The following PTPN3 variants were observed in gnomAD, a reference collection of about 807,000 sequenced individuals.
PTPN3 encodes protein tyrosine phosphatase non-receptor type 3, also known as tyrosine-protein phosphatase non-receptor type 3.
A neutral mutation model predicts 132.7 loss-of-function variants in PTPN3; 96 were observed. The ratio of observed to expected loss-of-function variants is 0.72; its 90% CI spans 0.61 to 0.86. The LOEUF is 0.86. PTPN3 is among the 40% of genes least tolerant of loss of function. The probability of loss-of-function intolerance (pLI) is 0.00; values close to 1 mark genes in which losing one functional copy is unlikely to be tolerated. For synonymous variants in PTPN3, 398 were observed against 429.0 expected (o/e 0.93, Z 0.89); for missense variants, 1,125 against 1,159.6 (o/e 0.97, Z 0.43).
intron 5 of PTPN3, chr9:109,450,174 T>A (rs1845157735): frequency 2.0e-6 from 2 of 985,022 alleles, no homozygotes; most frequent in Non-Finnish European, 1.2e-6. Flanking sequence ...TTGATTATAA[T>A]TAACTACCCA....
At chr9:109,380,169 A>G (rs1838924936) in intron 25 of PTPN3, among the ~76,000 whole-genome samples, 1 of 152,188 alleles carries the variant, frequency 6.6e-6, no homozygotes, top group African/African-American at 2.4e-5. Context: ...AGCAAAGTAT[A>G]CAGGGGGGAT....
At chr9:109,502,090 C>T (rs1210872087), upstream of PTPN3, among the ~76,000 whole-genome samples, 2 of 152,186 alleles carry the variant, frequency 1.3e-5, no homozygotes, top group African/African-American at 2.4e-5. Flanking sequence ...GAATATACAT[C>T]ACAGGTAATG....
At chr9:109,513,730 C>G in the PTPN3 span, among the ~76,000 whole-genome samples, 1 of 152,074 alleles carries the variant, frequency 6.6e-6, no homozygotes, top group African/African-American at 2.4e-5. Context: ...CTGATGTTGG[C>G]CTTTGTCTTT....
chr9:109,517,970 A>C, the PTPN3 span, among the ~76,000 whole-genome samples: 1 of 152,180 alleles, frequency 6.6e-6, no homozygotes, highest in African/African-American at 2.4e-5. Flanking sequence ...CCTGTCAAGC[A>C]GGTCCTCTCT....
At chr9:109,381,905 A>C in intron 24 of PTPN3, 118 bp from the exon 25 acceptor site, 6 of 1,226,986 alleles carry the variant, frequency 4.9e-6, no homozygotes, top group Non-Finnish European at 7.0e-6. Flanking sequence ...TCGAGAAGAC[A>C]AAACGCACAC....
At chr9:109,419,875 G>A (rs1378413851) in intron 14 of PTPN3, among the ~76,000 whole-genome samples, 1 of 152,132 alleles carries the variant, frequency 6.6e-6, no homozygotes, top group African/African-American at 2.4e-5. Flanking sequence ...GCGGGGTGGG[G>A]GAGGTAGGAC....
At chr9:109,451,429 AT>A in intron 5 of PTPN3, 1 of 930,302 alleles carries the variant, frequency 1.1e-6, no homozygotes, top group Non-Finnish European at 1.3e-6. Flanking sequence ...CAACCAGTGA[AT>A]TTTAGAAGAG....
chr9:109,438,128 C>T lies in PTPN3; in HGVS notation c.573G>A (p.Leu191=). ...GCCCCCCTCACCTGTGCTGCTCATG[C>T]AGAGATTCGACTTTTGTTAAAAAGT... ...NEDFLTKVES[L]HEQHSGLKQS... is the part of the protein sequence containing the mutation. Residue 191 remains leucine (L), a synonymous_variant, in exon 8 of 26, where the codon CTG becomes CTA. Transcript: ENST00000374541. 6.2e-7 allele frequency: 1 copy of T among 1,613,750 alleles called. No homozygotes were observed.
chr9:109,416,590 C>T (rs1189612793), intron 14 of PTPN3, among the ~76,000 whole-genome samples: 1 of 151,790 alleles, frequency 6.6e-6, no homozygotes, highest in African/African-American at 2.4e-5. Flanking sequence ...GGACAACACG[C>T]AGACAACATC....
rs1181308083 is a variant in PTPN3, at chr9:109,449,215, G to C, written c.369-360C>G. On this transcript the variant is annotated intron_variant, in intron 5 of 25. Transcript: ENST00000374541. ...GCCCTTGAGGACCAGAACCCACAGG[G>C]GCTCTGCACAAGCGGCGCCCACACA... is the stretch of plus-strand genomic sequence containing the variant. The C allele has an allele frequency of 2.8e-6, 3 of 1,058,800 alleles. No homozygotes were observed. The East Asian group carries it at 2.6e-4, about 92-fold the overall frequency. 65.6% of individuals were successfully genotyped at this position (1,058,800 alleles called of 1,614,324 possible).
rs749376867 is a variant in PTPN3 at position 109,389,320 on chromosome 9, C to T, written c.2166G>A (p.Pro722=). The change falls in exon 22 of 26, where the codon CCG becomes CCA. Residue 722 remains proline (P), a synonymous_variant. Coordinates refer to ENST00000374541, the MANE Select transcript of PTPN3 (RefSeq NM_002829.4). ...CCTGCCAAAACTGTGCACAGGTATGCGGCAGGGGCCCCTGAGTGGCGATGT... is the reference window on the plus strand; with the variant it reads ...CCTGCCAAAACTGTGCACAGGTATGTGGCAGGGGCCCCTGAGTGGCGATGT... ...NKYIATQGPL[P]HTCAQFWQVV... The T allele has an allele frequency of 9.9e-6, 16 of 1,614,082 alleles. No homozygotes were observed. The highest frequency in any genetic ancestry group is 3.3e-5 in the South Asian group (3 of 91,064).
At chr9:109,517,215 C>T in the PTPN3 span, among the ~76,000 whole-genome samples, 3 of 152,062 alleles carry the variant, frequency 2.0e-5, no homozygotes, top group Admixed American at 2.0e-4. Context: ...CCTAGGAAAT[C>T]CCAAGCAAGG....
At chr9:109,533,485 G>T in the PTPN3 span, 3 of 1,591,742 alleles carry the variant, frequency 1.9e-6, no homozygotes, top group Non-Finnish European at 2.6e-6. Context: ...GTAAGTTGCG[G>T]CGGTACCGAC....
In PTPN3 at chr9:109,376,363, C is replaced by T. The variant is rs536032432; in HGVS notation, c.*3193G>A. On this transcript the variant is annotated 3_prime_UTR_variant, in exon 26 of 26. Transcript: ENST00000374541. ...CCCTCAAATGCTCATTTCTGAGGTA[C>T]CCCCCCCAGAAAAAGGTCAGGTAGC... The T allele has an allele frequency of 6.6e-6, 1 of 151,366 alleles. No homozygotes were observed. Among genetic ancestry groups the T allele is most frequent in the Non-Finnish European group, 1.5e-5 (1 of 67,794 alleles). The allele number at this position is 151,366 out of a possible 1,614,324, so 9.4% of individuals were successfully genotyped here.
At chr9:109,436,327 T>C (rs1844047941) in intron 9 of PTPN3, among the ~76,000 whole-genome samples, 1 of 152,222 alleles carries the variant, frequency 6.6e-6, no homozygotes, top group Admixed American at 6.5e-5. Context: ...GGGTTAATGA[T>C]AACATATGGA....
chr9:109,391,603 A>T, intron 19 of PTPN3, 42 bp from the exon 20 acceptor site: 1 of 1,487,474 alleles, frequency 6.7e-7, no homozygotes, highest in Non-Finnish European at 9.3e-7. Context: ...TGCAAAAATC[A>T]GATGAAGAAA....
chr9:109,464,905 G>T (rs1268821697), intron 1 of PTPN3, among the ~76,000 whole-genome samples: 2 of 152,166 alleles, frequency 1.3e-5, no homozygotes, highest in Non-Finnish European at 2.9e-5. Context: ...AAAGGATAAT[G>T]GTTACCTTTG....
intron 14 of PTPN3, among the ~76,000 whole-genome samples, chr9:109,414,454 T>C (rs551023677): frequency 6.6e-6 from 1 of 152,364 alleles, no homozygotes; most frequent in East Asian, 1.9e-4. Context: ...CAGTTTCTTC[T>C]GAATAAAATT....
chr9:109,433,916 T>TTTAAA (rs1564437088), intron 9 of PTPN3, among the ~76,000 whole-genome samples: 2 of 98,284 alleles, frequency 2.0e-5, no homozygotes, highest in Non-Finnish European at 2.2e-5. Context: ...AGACTCTGTT[T>TTTAAA]AAAAAAAAAA....
Sources: gnomAD v4.1 joint callset for allele counts (sites outside exome capture counted in the v4.1 genomes callset) on GRCh38, gnomAD v4.1.1 for gene constraint, MANE v1.5 for transcripts, NCBI Gene and HGNC (gene_info 2026-07-23, HGNC 2026-07-21) for gene names.